Variants in LRP1B observed in about 807,000 individuals in gnomAD.
The protein encoded by LRP1B is LDL receptor related protein 1B.
LRP1B carries 217 observed loss-of-function variants against 556.6 expected under a neutral mutation model. That is an observed-to-expected ratio of 0.39 (90% CI 0.35 to 0.44). LRP1B has a LOEUF of 0.44. Ranked by LOEUF, LRP1B falls within the 20% of genes least tolerant of loss-of-function variation. LRP1B has a pLI of 1.00. For missense variants in LRP1B, 5,053 were observed against 5,620.8 expected, an observed-to-expected ratio of 0.90 and a Z score of 3.23; for synonymous variants, 2,047 against 1,865.8, an observed-to-expected ratio of 1.10 and a Z score of -2.50.
chr2:141,292,770 A>G (rs746736522), intron 3 of LRP1B, among the ~76,000 whole-genome samples: 48 of 152,184 alleles, frequency 3.2e-4, no homozygotes, highest in Non-Finnish European at 5.1e-4. Flanking sequence ...TCAAAGGCTG[A>G]GATACTGCCA....
chr2:140,627,798 T>C (rs956955644), intron 41 of LRP1B, among the ~76,000 whole-genome samples: 1 of 152,138 alleles, frequency 6.6e-6, no homozygotes, highest in Non-Finnish European at 1.5e-5. Context: ...AATCATGAAA[T>C]TGGTATCTGT....
Position 141,625,485 on chromosome 2 carries a change from A to C in LRP1B, c.206-144952T>G, listed in dbSNP as rs1688674614. On this transcript the variant is annotated intron_variant, in intron 2 of 90. Coordinates refer to ENST00000389484, the MANE Select transcript of LRP1B (RefSeq NM_018557.3). ...ACATTTTTTTCTAATGTTTCTAAAC[A>C]ATCTTCCTTTGGTGCTTCTATTTTG... Among the ~76,000 whole-genome samples, 3 of 152,206 alleles carry C rather than the reference A, an allele frequency of 2.0e-5. No homozygotes were observed. In the South Asian group the frequency reaches 6.2e-4, roughly 31 times the overall value.
chr2:140,803,471 T>C (rs959606766), intron 32 of LRP1B, among the ~76,000 whole-genome samples: 10 of 151,680 alleles, frequency 6.6e-5, no homozygotes, highest in Non-Finnish European at 1.3e-4. Context: ...TTTATTTATT[T>C]ATTTTTTTAG....
chr2:141,006,952 T>C (rs1697592808), intron 14 of LRP1B, among the ~76,000 whole-genome samples: 1 of 151,944 alleles, frequency 6.6e-6, no homozygotes, highest in Non-Finnish European at 1.5e-5. Flanking sequence ...TACTTATCTA[T>C]AAATGTGTCA....
chr2:141,231,238 A>C (rs187799963), intron 5 of LRP1B, among the ~76,000 whole-genome samples: 1 of 152,346 alleles, frequency 6.6e-6, no homozygotes, highest in Admixed American at 6.5e-5. Context: ...AAGCAGTATT[A>C]TTTAGTGGCC....
At chr2:140,983,219 G>A (rs774301339) in intron 17 of LRP1B, among the ~76,000 whole-genome samples, 5 of 151,852 alleles carry the variant, frequency 3.3e-5, no homozygotes, top group East Asian at 3.9e-4. Flanking sequence ...ATGTCTTTAT[G>A]AGTCTCGATA....
At chr2:140,534,234 G>A (rs1690848949) in intron 46 of LRP1B, 94 bp from the exon 47 acceptor site, 2 of 1,140,316 alleles carry the variant, frequency 1.8e-6, no homozygotes, top group East Asian at 5.1e-5. Context: ...CATAATGACT[G>A]GATTATGGAT....
intron 1 of LRP1B, among the ~76,000 whole-genome samples, chr2:142,013,628 GA>G (rs1703025861): frequency 6.6e-6 from 1 of 151,960 alleles, no homozygotes; most frequent in South Asian, 2.1e-4. Context: ...GAAGATTAAA[GA>G]GTTATGAGAA....
intron 5 of LRP1B, among the ~76,000 whole-genome samples, chr2:141,234,054 G>C (rs1378803282): frequency 2.0e-5 from 3 of 152,042 alleles, no homozygotes; most frequent in African/African-American, 7.2e-5. Context: ...ATAATGACTT[G>C]CATATAAAGT....
chr2:142,087,331 C>T (rs1382269613), intron 1 of LRP1B, among the ~76,000 whole-genome samples: 2 of 151,902 alleles, frequency 1.3e-5, no homozygotes, highest in Non-Finnish European at 2.9e-5. Context: ...ATCTGAGCTT[C>T]ATATATATCA....
intron 2 of LRP1B, among the ~76,000 whole-genome samples, chr2:141,755,792 T>C (rs184196532): frequency 1.3e-5 from 2 of 152,128 alleles, no homozygotes; most frequent in East Asian, 3.9e-4. Context: ...GAATAACCCC[T>C]ACTCTACCTA....
chr2:141,344,698 T>A (rs1688184514), intron 3 of LRP1B, among the ~76,000 whole-genome samples: 1 of 152,132 alleles, frequency 6.6e-6, no homozygotes, highest in Non-Finnish European at 1.5e-5. Context: ...AAGGGCAGAC[T>A]CTAATGTTTT....
chr2:141,639,304 G>GTATATATATA (rs577532316), intron 2 of LRP1B, among the ~76,000 whole-genome samples: 3 of 58,448 alleles, frequency 5.1e-5, no homozygotes, highest in African/African-American at 7.3e-5. Context: ...CATCATGTGT[G>GTATATATATA]TATATATATA....
rs955357140 is a variant in LRP1B at position 140,711,500 on chromosome 2, C to A, written c.6023+4473G>T. Among the ~76,000 whole-genome samples, 4 of 152,138 alleles carry A rather than the reference C, an allele frequency of 2.6e-5. No homozygotes were observed. In the South Asian group the frequency reaches 8.3e-4, roughly 32 times the overall value. ...CCTGATTGGTAACTCAAAGTTAACC[C>A]ATTATAACTGCCAACTTTGATCTAT... is the stretch of plus-strand genomic sequence containing the variant. On this transcript the variant is annotated intron_variant, in intron 37 of 90. Transcript: ENST00000389484.
At chr2:141,530,063 A>G (rs1684819264) in intron 2 of LRP1B, among the ~76,000 whole-genome samples, 1 of 152,172 alleles carries the variant, frequency 6.6e-6, no homozygotes, top group Non-Finnish European at 1.5e-5. Flanking sequence ...AAGCATTGTC[A>G]TTCTAATAAT....
chr2:142,099,310 A>G (rs1706490754), intron 1 of LRP1B, among the ~76,000 whole-genome samples: 1 of 151,842 alleles, frequency 6.6e-6, no homozygotes, highest in South Asian at 2.1e-4. Context: ...TTTATAATCT[A>G]ATTGCAACAG....
chr2:141,352,312 T>C (rs1348819349), intron 3 of LRP1B, among the ~76,000 whole-genome samples: 1 of 151,956 alleles, frequency 6.6e-6, no homozygotes, highest in Non-Finnish European at 1.5e-5. Flanking sequence ...AGTCAATAAA[T>C]ATTTATCCAT....
Position 140,444,590 on chromosome 2 carries a change from C to T in LRP1B, c.10147G>A (p.Gly3383Arg), listed in dbSNP as rs1458894565. The T allele has an allele frequency of 3.1e-6, 5 of 1,613,916 alleles. No individual in the cohort carries two copies. Among genetic ancestry groups the T allele is most frequent in the Non-Finnish European group, 4.2e-6 (5 of 1,179,912 alleles). Residue 3383 changes from glycine to arginine, a missense_variant, in exon 64 of 91, where the codon GGA (glycine) becomes AGA (arginine). By Grantham distance (125) the Gly-to-Arg change is moderately radical (BLOSUM62 -2). Around this residue, in one of 5 missense-constraint regions of LRP1B, gnomAD observed 262 missense variants for 395.1 expected, o/e 0.66. Transcript: ENST00000389484. ...CAGTTGAGTTCATCAGAATTGTCTCCACAATCATTCTCTCCATCACAGATG... is the reference window on the plus strand; with the variant it reads ...CAGTTGAGTTCATCAGAATTGTCTCTACAATCATTCTCTCCATCACAGATG... ...AFICDGENDC[G>R]DNSDELNCDT...
intron 35 of LRP1B, among the ~76,000 whole-genome samples, chr2:140,757,754 G>T (rs113455599): frequency 6.6e-6 from 1 of 152,056 alleles, no homozygotes; most frequent in Admixed American, 6.6e-5. Flanking sequence ...GGTGGCATGC[G>T]CCTGTAGTCC....
Sources: allele counts gnomAD v4.1 joint callset (sites outside exome capture counted in the v4.1 genomes callset), GRCh38; gene constraint gnomAD v4.1.1; regional missense constraint gnomAD v4.1.1; transcripts MANE v1.5; gene names NCBI Gene and HGNC (gene_info 2026-07-23, HGNC 2026-07-21).